The following TBC1D5 variants were observed in gnomAD, a reference collection of about 807,000 sequenced individuals.
TBC1D5 encodes the protein TBC1 domain family member 5.
TBC1D5 carries 75 observed loss-of-function variants against 100.3 expected under a neutral mutation model. That is an observed-to-expected ratio of 0.75 (90% CI 0.62 to 0.91). The LOEUF is 0.91. Among genes scored for constraint, TBC1D5 ranks in the 40% least tolerant of loss-of-function variants. TBC1D5 has a pLI of 0.00. For missense variants in TBC1D5, 910 were observed against 942.4 expected (o/e 0.97, Z 0.45); for synonymous variants, 323 against 325.6 (o/e 0.99, Z 0.09).
intron 2 of TBC1D5, among the ~76,000 whole-genome samples, chr3:17,581,043 G>C (rs117923952): frequency 0.016 from 2,500 of 152,244 alleles, 49 homozygotes; most frequent in South Asian, 0.044. Context: ...GGAGGGACCT[G>C]GTGGGAAGTA....
At chr3:17,319,656 G>A (rs1432464267) in intron 13 of TBC1D5, among the ~76,000 whole-genome samples, 2 of 151,956 alleles carry the variant, frequency 1.3e-5, no homozygotes. Flanking sequence ...GGATCACAAG[G>A]TCAGGAGATC....
chr3:17,740,402 A>G (rs1419592587), exon 1 of TBC1D5: 1 of 152,174 alleles, frequency 6.6e-6, no homozygotes, highest in Non-Finnish European at 1.5e-5. Flanking sequence ...TAAGCGCTTC[A>G]GAAGTACTGT....
chr3:17,598,959 TAAGG>T (rs1016013391), intron 2 of TBC1D5, among the ~76,000 whole-genome samples: 1 of 152,190 alleles, frequency 6.6e-6, no homozygotes, highest in African/African-American at 2.4e-5. Flanking sequence ...AACATAGCTT[TAAGG>T]GTCAGGTACA....
At chr3:17,435,150 T>C (rs2094512792) in intron 3 of TBC1D5, among the ~76,000 whole-genome samples, 1 of 152,202 alleles carries the variant, frequency 6.6e-6, no homozygotes. Flanking sequence ...TCCTACCTTC[T>C]GAGCCCCCCA....
intron 3 of TBC1D5, among the ~76,000 whole-genome samples, chr3:17,473,497 C>T (rs2095404971): frequency 6.6e-6 from 1 of 152,172 alleles, no homozygotes; most frequent in South Asian, 2.1e-4. Flanking sequence ...ATTTCTAAAA[C>T]TTAAACCTAA....
chr3:17,257,443 T>A (rs1312127601), intron 16 of TBC1D5, among the ~76,000 whole-genome samples: 1 of 152,180 alleles, frequency 6.6e-6, no homozygotes, highest in Non-Finnish European at 1.5e-5. Context: ...AAATAAATTT[T>A]TATTTGTGTA....
chr3:17,708,860 G>A (rs1412482300), intron 1 of TBC1D5, among the ~76,000 whole-genome samples: 1 of 152,148 alleles, frequency 6.6e-6, no homozygotes, highest in East Asian at 1.9e-4. Flanking sequence ...GATGATTTCA[G>A]TTTTTCCAAT....
chr3:17,692,785 G>C (rs922443650), intron 1 of TBC1D5, among the ~76,000 whole-genome samples: 1 of 152,146 alleles, frequency 6.6e-6, no homozygotes, highest in Non-Finnish European at 1.5e-5. Context: ...AAGATCACAG[G>C]TTGAGTACCA....
intron 8 of TBC1D5, among the ~76,000 whole-genome samples, chr3:17,401,731 G>A (rs1449329906): frequency 6.6e-6 from 1 of 152,106 alleles, no homozygotes; most frequent in Non-Finnish European, 1.5e-5. Flanking sequence ...TCAATCTGAA[G>A]TTGGCAAGTT....
intron 2 of TBC1D5, among the ~76,000 whole-genome samples, chr3:17,516,037 C>T (rs1190738482): frequency 6.6e-6 from 1 of 152,202 alleles, no homozygotes; most frequent in East Asian, 1.9e-4. Context: ...CTAAGAAGCA[C>T]CAGTCCTTGC....
chr3:17,742,571 C>A (rs1218563709), upstream of TBC1D5: 2 of 152,502 alleles, frequency 1.3e-5, no homozygotes, highest in African/African-American at 4.8e-5. Context: ...GTCTGCAGGG[C>A]GCTCGCGGAA....
intron 18 of TBC1D5, among the ~76,000 whole-genome samples, chr3:17,189,327 A>G (rs1468829807): frequency 1.3e-5 from 2 of 152,200 alleles, no homozygotes; most frequent in Admixed American, 1.3e-4. Flanking sequence ...GATTAATTAA[A>G]GCTTAAGAGC....
intron 15 of TBC1D5, among the ~76,000 whole-genome samples, chr3:17,281,479 T>C (rs2080585627): frequency 6.6e-6 from 1 of 152,212 alleles, no homozygotes; most frequent in African/African-American, 2.4e-5. Context: ...CTGGAGGAGC[T>C]TGGAGGCTCA....
intron 4 of TBC1D5, among the ~76,000 whole-genome samples, chr3:17,422,798 T>C (rs965577411): frequency 6.6e-6 from 1 of 152,194 alleles, no homozygotes; most frequent in African/African-American, 2.4e-5. Flanking sequence ...GTGCTAAAAC[T>C]TGAAGGCTAA....
intron 17 of TBC1D5, among the ~76,000 whole-genome samples, chr3:17,228,592 C>T (rs989491934): frequency 2.0e-5 from 3 of 152,144 alleles, no homozygotes; most frequent in Admixed American, 2.0e-4. Context: ...ATCATATATG[C>T]ATCACATAAG....
At chr3:17,658,073 T>C (rs1003700650) in intron 1 of TBC1D5, among the ~76,000 whole-genome samples, 3 of 152,236 alleles carry the variant, frequency 2.0e-5, no homozygotes, top group Non-Finnish European at 4.4e-5. Context: ...CTGTACAGGT[T>C]TGTAGCCAAG....
intron 15 of TBC1D5, among the ~76,000 whole-genome samples, chr3:17,261,953 T>A (rs146590412): frequency 2.9e-4 from 44 of 152,280 alleles, no homozygotes; most frequent in African/African-American, 1.0e-3. Flanking sequence ...TCTATATATG[T>A]AAAACTCTAT....
chr3:17,568,941 C>T (rs1412648865), intron 2 of TBC1D5, among the ~76,000 whole-genome samples: 1 of 151,496 alleles, frequency 6.6e-6, no homozygotes, highest in African/African-American at 2.4e-5. Context: ...ACGGATCTGC[C>T]CTGCATACCA....
chr3:17,217,855 CT>C (rs1319428975), intron 17 of TBC1D5, among the ~76,000 whole-genome samples: 3 of 151,984 alleles, frequency 2.0e-5, no homozygotes, highest in Non-Finnish European at 4.4e-5. Flanking sequence ...CCCAAAACTG[CT>C]TAATTGGATG....
Sources: gnomAD v4.1 joint callset for allele counts (sites outside exome capture counted in the v4.1 genomes callset) on GRCh38, gnomAD v4.1.1 for gene constraint, MANE v1.5 for transcripts, NCBI Gene and HGNC (gene_info 2026-07-23, HGNC 2026-07-21) for gene names.